The following MSRA variants were observed in gnomAD, a reference collection of about 807,000 sequenced individuals.
MSRA encodes the protein methionine sulfoxide reductase A, also known as mitochondrial peptide methionine sulfoxide reductase.
Under a neutral mutation model 31.3 loss-of-function variants are expected in MSRA, and 54 were observed. That is an observed-to-expected ratio of 1.73 (90% confidence interval 1.39 to 2.17). The LOEUF (loss-of-function observed/expected upper bound fraction) is 2.17. MSRA is among the 30% of genes most tolerant of loss of function. The pLI is 0.00. For synonymous variants in MSRA, 169 were observed against 116.5 expected (o/e 1.45, Z -2.90); for missense variants, 507 against 300.9 (o/e 1.69, Z -5.07).
chr8:10,132,834 G>T (rs985823534), intron 1 of MSRA, among the ~76,000 whole-genome samples: 1 of 152,252 alleles, frequency 6.6e-6, no homozygotes, highest in Non-Finnish European at 1.5e-5. Flanking sequence ...TAGTTGCAGA[G>T]TAGGTACACA....
Position 10,219,135 on chromosome 8 carries a change from A to G in MSRA, c.211+11234A>G, listed in dbSNP as rs534369440. Among the ~76,000 whole-genome samples, 16 of 152,346 alleles carry G rather than the reference A, an allele frequency of 1.1e-4. No homozygotes were observed. The East Asian group carries it at 2.9e-3, about 28-fold the overall frequency. ...TGTGCAATGCCTTCAAACTGTTGAAATGATAGAAATGGAGAAGCAGTCAAG... is the reference window on the plus strand; with the variant it reads ...TGTGCAATGCCTTCAAACTGTTGAAGTGATAGAAATGGAGAAGCAGTCAAG... On this transcript the variant is annotated intron_variant, in intron 2 of 5. Coordinates refer to ENST00000317173, the MANE Select transcript of MSRA (RefSeq NM_012331.5).
intron 5 of MSRA, among the ~76,000 whole-genome samples, chr8:10,322,406 C>T (rs1343708329): frequency 6.6e-6 from 1 of 152,104 alleles, no homozygotes; most frequent in African/African-American, 2.4e-5. Flanking sequence ...TTAGGAAGTA[C>T]AAAGACCAGA....
At chr8:10,419,573 A>C (rs1300953466) in intron 5 of MSRA, among the ~76,000 whole-genome samples, 1 of 152,146 alleles carries the variant, frequency 6.6e-6, no homozygotes, top group African/African-American at 2.4e-5. Flanking sequence ...GCCCCATTAG[A>C]GGGGCCCTGC....
chr8:10,205,307 G>T (rs1808860562), intron 1 of MSRA, among the ~76,000 whole-genome samples: 2 of 152,128 alleles, frequency 1.3e-5, no homozygotes, highest in East Asian at 3.9e-4. Flanking sequence ...AAAAAAAGAA[G>T]TGAGGGGGAT....
At chr8:10,366,995 C>T (rs1020555327) in intron 5 of MSRA, among the ~76,000 whole-genome samples, 1 of 152,156 alleles carries the variant, frequency 6.6e-6, no homozygotes, top group African/African-American at 2.4e-5. Context: ...TCTGTGGTTT[C>T]AGTTACCTGT....
intron 3 of MSRA, among the ~76,000 whole-genome samples, chr8:10,267,529 A>G (rs552274520): frequency 3.3e-5 from 5 of 152,236 alleles, no homozygotes; most frequent in African/African-American, 1.2e-4. Context: ...CACCACAGTT[A>G]TCTAGGGCTG....
chr8:10,322,118 A>G (rs1802076858), intron 5 of MSRA, among the ~76,000 whole-genome samples: 1 of 152,102 alleles, frequency 6.6e-6, no homozygotes, highest in South Asian at 2.1e-4. Context: ...AATTTTCTCA[A>G]TTCACATGTC....
At chr8:10,194,413 A>G (rs757699834) in intron 1 of MSRA, among the ~76,000 whole-genome samples, 12 of 152,144 alleles carry the variant, frequency 7.9e-5, no homozygotes, top group Non-Finnish European at 1.6e-4. Flanking sequence ...TAAAAGTACA[A>G]AAACTAGCCA....
At chr8:10,385,014 G>C (rs1441202905) in intron 5 of MSRA, among the ~76,000 whole-genome samples, 1 of 152,144 alleles carries the variant, frequency 6.6e-6, no homozygotes, top group Non-Finnish European at 1.5e-5. Context: ...AAAAAAAAAG[G>C]AAAAATAAAA....
At chr8:10,234,109 TAA>T (rs1235844488) in intron 2 of MSRA, among the ~76,000 whole-genome samples, 1 of 152,152 alleles carries the variant, frequency 6.6e-6, no homozygotes, top group Non-Finnish European at 1.5e-5. Flanking sequence ...TAAAAAGACT[TAA>T]GAGATTTTAT....
At chr8:10,245,043 T>C in intron 2 of MSRA, 61 bp from the exon 3 acceptor site, 1 of 1,556,130 alleles carries the variant, frequency 6.4e-7, no homozygotes, top group Non-Finnish European at 8.7e-7. Flanking sequence ...TATGTGGATG[T>C]GCAATGACCA....
At chr8:10,281,636 G>T (rs1799628476) in intron 3 of MSRA, among the ~76,000 whole-genome samples, 2 of 152,220 alleles carry the variant, frequency 1.3e-5, no homozygotes, top group South Asian at 4.1e-4. Context: ...TTTCAGAGAC[G>T]ATTTCCGGCA....
At chr8:10,374,517 A>G (rs1805651195) in intron 5 of MSRA, among the ~76,000 whole-genome samples, 1 of 152,188 alleles carries the variant, frequency 6.6e-6, no homozygotes, top group South Asian at 2.1e-4. Flanking sequence ...TAAGTCTCAG[A>G]AATATTTTAC....
intron 3 of MSRA, among the ~76,000 whole-genome samples, chr8:10,282,064 G>T (rs957836212): frequency 1.3e-5 from 2 of 152,186 alleles, no homozygotes; most frequent in Non-Finnish European, 1.5e-5. Flanking sequence ...GTACAATAGT[G>T]TGTGGATGGC....
chr8:10,284,265 T>G (rs1799813616), intron 3 of MSRA, among the ~76,000 whole-genome samples: 1 of 152,166 alleles, frequency 6.6e-6, no homozygotes, highest in Non-Finnish European at 1.5e-5. Context: ...CTCGGCTCAC[T>G]GCAACCTCCA....
At chr8:10,367,004 G>A (rs1443083449) in intron 5 of MSRA, among the ~76,000 whole-genome samples, 1 of 152,160 alleles carries the variant, frequency 6.6e-6, no homozygotes, top group Non-Finnish European at 1.5e-5. Flanking sequence ...TCAGTTACCT[G>A]TGGTCAGGTA....
intron 2 of MSRA, among the ~76,000 whole-genome samples, chr8:10,242,390 G>A (rs762756115): frequency 1.3e-5 from 2 of 152,170 alleles, no homozygotes; most frequent in African/African-American, 2.4e-5. Context: ...TACTGTGAAA[G>A]TCAGATAACG....
At chr8:10,125,363 T>C (rs1440969471) in intron 1 of MSRA, among the ~76,000 whole-genome samples, 1 of 152,080 alleles carries the variant, frequency 6.6e-6, no homozygotes, top group Non-Finnish European at 1.5e-5. Flanking sequence ...TGAGCCCAGG[T>C]AGTCACAGGC....
At chr8:10,397,211 T>A (rs1807150825) in intron 5 of MSRA, among the ~76,000 whole-genome samples, 1 of 152,204 alleles carries the variant, frequency 6.6e-6, no homozygotes, top group African/African-American at 2.4e-5. Flanking sequence ...GTGTGAGCCA[T>A]CTCTAATGCT....
Sources: allele counts gnomAD v4.1 joint callset (sites outside exome capture counted in the v4.1 genomes callset), GRCh38; gene constraint gnomAD v4.1.1; transcripts MANE v1.5; gene names NCBI Gene and HGNC (gene_info 2026-07-23, HGNC 2026-07-21).